The following CCR5AS variants were observed in gnomAD, a reference collection of about 807,000 sequenced individuals.
CCR5AS encodes CCR5 antisense RNA.
chr3:46,374,480 A>G (rs1237472087), intron 2 of CCR5AS: 1 of 167,164 alleles, frequency 6.0e-6, no homozygotes, highest in East Asian at 1.9e-4. Context: ...TTTCCCCTCC[A>G]AGGTATGGTT....
At chr3:46,383,949 A>C (rs1307821530) in intron 2 of CCR5AS, among the ~76,000 whole-genome samples, 3 of 152,234 alleles carry the variant, frequency 2.0e-5, no homozygotes, top group Non-Finnish European at 4.4e-5. Context: ...AAGTTTGAAA[A>C]GTACTGTTGA....
At chr3:46,396,384 G>C (rs1701962217) in intron 1 of CCR5AS, among the ~76,000 whole-genome samples, 1 of 152,122 alleles carries the variant, frequency 6.6e-6, no homozygotes, top group Non-Finnish European at 1.5e-5. Flanking sequence ...CCACATGTGG[G>C]TTCCACGGTC....
At chr3:46,365,600 T>G (rs1396118313) in intron 3 of CCR5AS, among the ~76,000 whole-genome samples, 1 of 152,304 alleles carries the variant, frequency 6.6e-6, no homozygotes, top group African/African-American at 2.4e-5. Flanking sequence ...TTTAGCTAAC[T>G]GGCCACTGCC....
At chr3:46,405,340 CACATGACTCTGTGACATGCGGT>C (rs1269959116) in intron 1 of CCR5AS, among the ~76,000 whole-genome samples, 1 of 152,248 alleles carries the variant, frequency 6.6e-6, no homozygotes, top group Non-Finnish European at 1.5e-5. Flanking sequence ...TTTCACATCT[CACATGACTCTGTGACATGCGGT>C]ACATGAGGTG....
chr3:46,398,213 G>A (rs563672481), intron 1 of CCR5AS, among the ~76,000 whole-genome samples: 38 of 152,120 alleles, frequency 2.5e-4, no homozygotes, highest in African/African-American at 4.1e-4. Flanking sequence ...AAACCCAGGC[G>A]CGGAAAATTC....
chr3:46,364,445 C>T (rs1349438276), exon 4 of CCR5AS, among the ~76,000 whole-genome samples: 2 of 152,090 alleles, frequency 1.3e-5, no homozygotes, highest in Non-Finnish European at 2.9e-5. Context: ...AGAACTATTG[C>T]TCAGAAAAAA....
chr3:46,367,706 G>T (rs1268412292), intron 3 of CCR5AS, among the ~76,000 whole-genome samples: 1 of 152,114 alleles, frequency 6.6e-6, no homozygotes, highest in Non-Finnish European at 1.5e-5. Context: ...GAGTAGCTGG[G>T]ACTATAGGGG....
intron 2 of CCR5AS, chr3:46,374,991 G>C (rs1041770168): frequency 1.2e-5 from 2 of 167,422 alleles, no homozygotes; most frequent in Non-Finnish European, 2.9e-5. Context: ...TGGAAGTGAG[G>C]GTCAGAGAGG....
chr3:46,395,693 C>T (rs1006360375), intron 1 of CCR5AS, among the ~76,000 whole-genome samples: 2 of 152,190 alleles, frequency 1.3e-5, no homozygotes, highest in Non-Finnish European at 2.9e-5. Flanking sequence ...CCTAGAAAAG[C>T]ACAACTTCTG....
At chr3:46,374,176 G>A (rs1042213202) in intron 2 of CCR5AS, 11 of 406,394 alleles carry the variant, frequency 2.7e-5, no homozygotes, top group Non-Finnish European at 5.0e-5. Context: ...AAAATATGTT[G>A]ATGAAAAATA....
intron 2 of CCR5AS, among the ~76,000 whole-genome samples, chr3:46,381,837 A>G (rs1701819768): frequency 6.6e-6 from 1 of 152,232 alleles, no homozygotes; most frequent in South Asian, 2.1e-4. Flanking sequence ...CTCGAGTTCC[A>G]GCCTTGGGGC....
At chr3:46,384,608 G>C (rs1379569358) in intron 2 of CCR5AS, among the ~76,000 whole-genome samples, 1 of 152,158 alleles carries the variant, frequency 6.6e-6, no homozygotes, top group Admixed American at 6.5e-5. Flanking sequence ...TCGGGATAAG[G>C]CTCTGAGAGC....
chr3:46,373,638 C>A (rs781713216), intron 2 of CCR5AS: 1 of 1,614,116 alleles, frequency 6.2e-7, no homozygotes, highest in Non-Finnish European at 8.5e-7. Flanking sequence ...TGTTTATTTT[C>A]TCTTCTGGGC....
intron 3 of CCR5AS, among the ~76,000 whole-genome samples, chr3:46,369,969 G>A (rs1281513463): frequency 2.6e-5 from 4 of 152,062 alleles, no homozygotes; most frequent in Admixed American, 6.5e-5. Context: ...AAGCCCAGAG[G>A]GCATCTTGTG....
intron 2 of CCR5AS, among the ~76,000 whole-genome samples, chr3:46,383,769 TAG>T (rs2106763260): frequency 6.6e-6 from 1 of 152,264 alleles, no homozygotes; most frequent in South Asian, 2.1e-4. Flanking sequence ...ACTTCCCCTC[TAG>T]TTCAGTTGTG....
intron 1 of CCR5AS, among the ~76,000 whole-genome samples, chr3:46,397,858 G>A (rs1413454300): frequency 6.6e-6 from 1 of 152,296 alleles, no homozygotes; most frequent in African/African-American, 2.4e-5. Context: ...TACAACAAAC[G>A]GTCATTGAAA....
intron 3 of CCR5AS, among the ~76,000 whole-genome samples, chr3:46,366,496 C>A (rs2106734622): frequency 6.6e-6 from 1 of 152,322 alleles, no homozygotes; most frequent in African/African-American, 2.4e-5. Flanking sequence ...GACTTCTCAG[C>A]TGAGCTAAGG....
At chr3:46,383,269 T>G (rs1701831196) in intron 2 of CCR5AS, among the ~76,000 whole-genome samples, 1 of 152,196 alleles carries the variant, frequency 6.6e-6, no homozygotes, top group South Asian at 2.1e-4. Context: ...TTGAAAGCCT[T>G]TTAGGGTGGA....
intron 3 of CCR5AS, among the ~76,000 whole-genome samples, chr3:46,366,819 T>G (rs1320053567): frequency 6.6e-6 from 1 of 152,192 alleles, no homozygotes; most frequent in Non-Finnish European, 1.5e-5. Flanking sequence ...TGGGGGTAGA[T>G]TCTTCCTATT....
Sources: gnomAD v4.1 joint callset for allele counts (sites outside exome capture counted in the v4.1 genomes callset) on GRCh38, gnomAD v4.1.1 for gene constraint, MANE v1.5 for transcripts, NCBI Gene and HGNC (gene_info 2026-07-23, HGNC 2026-07-21) for gene names.